Variants in TRIM2 observed in about 807,000 individuals in gnomAD.
TRIM2 encodes the protein tripartite motif-containing protein 2.
In TRIM2, 20 loss-of-function variants were observed where a neutral mutation model predicts 75.2. The observed-to-expected ratio is 0.27, with a 90% confidence interval of 0.19 to 0.39. The LOEUF is 0.39. Ranked by LOEUF, TRIM2 falls within the 10% of genes least tolerant of loss-of-function variation. The pLI, the probability that TRIM2 is intolerant of heterozygous loss-of-function variation, is 1.00. For synonymous variants in TRIM2, 373 were observed against 388.3 expected (o/e 0.96, Z 0.46); for missense variants, 660 against 990.8 (o/e 0.67, Z 4.48).
intron 1 of TRIM2, among the ~76,000 whole-genome samples, chr4:153,177,707 C>CTTCCTTCCTTCCTTCCTTCCT (rs555687002): frequency 9.7e-5 from 13 of 133,884 alleles, no homozygotes; most frequent in African/African-American, 3.7e-4. Flanking sequence ...TGGTGGCTCG[C>CTTCCTTCCTTCCTTCCTTCCT]TCCTTCCTTC....
chr4:153,197,280 A>G (rs1398507157), intron 1 of TRIM2, among the ~76,000 whole-genome samples: 2 of 152,224 alleles, frequency 1.3e-5, no homozygotes, highest in Admixed American at 6.5e-5. Flanking sequence ...TTTTTTATCC[A>G]TAATTTGCAA....
chr4:153,213,371 C>T (rs1038090152), intron 1 of TRIM2, among the ~76,000 whole-genome samples: 8 of 152,094 alleles, frequency 5.3e-5, no homozygotes, highest in African/African-American at 1.9e-4. Context: ...CAATTTTTTT[C>T]TATCACAAAT....
At chr4:153,325,257 C>A (rs1027157570) in intron 10 of TRIM2, among the ~76,000 whole-genome samples, 6 of 152,168 alleles carry the variant, frequency 3.9e-5, no homozygotes, top group Admixed American at 3.3e-4. Flanking sequence ...CAGACAGTAG[C>A]GCACAGTGGG....
intron 1 of TRIM2, among the ~76,000 whole-genome samples, chr4:153,240,958 T>A (rs1746399888): frequency 6.6e-6 from 1 of 152,194 alleles, no homozygotes; most frequent in South Asian, 2.1e-4. Flanking sequence ...ACAGCTGTAA[T>A]CCCAGCTACT....
intron 2 of TRIM2, among the ~76,000 whole-genome samples, chr4:153,271,723 C>T (rs1756712875): frequency 6.6e-6 from 1 of 152,038 alleles, no homozygotes; most frequent in Non-Finnish European, 1.5e-5. Flanking sequence ...TCCTCCATCC[C>T]CTTAATGGGT....
intron 1 of TRIM2, among the ~76,000 whole-genome samples, chr4:153,245,944 G>T (rs1408757648): frequency 1.3e-5 from 2 of 152,204 alleles, no homozygotes; most frequent in African/African-American, 4.8e-5. Flanking sequence ...CTCTGAAAGT[G>T]CTGGGATTAC....
intron 6 of TRIM2, among the ~76,000 whole-genome samples, chr4:153,302,480 A>T (rs1181865339): frequency 2.0e-5 from 3 of 152,220 alleles, no homozygotes; most frequent in African/African-American, 7.2e-5. Flanking sequence ...TAAGCTGTAG[A>T]AATGGGAAGG....
chr4:153,292,485 T>A (rs1762019313), intron 3 of TRIM2, among the ~76,000 whole-genome samples: 1 of 152,166 alleles, frequency 6.6e-6, no homozygotes, highest in South Asian at 2.1e-4. Context: ...AGAGACAGAG[T>A]CTCGCTATGT....
At chr4:153,240,470 C>A (rs910942760) in intron 1 of TRIM2, among the ~76,000 whole-genome samples, 2 of 152,094 alleles carry the variant, frequency 1.3e-5, no homozygotes, top group African/African-American at 4.8e-5. Context: ...AAACAAAAAT[C>A]AAATAATGTT....
chr4:153,296,585 C>T (rs1441140356), intron 6 of TRIM2, among the ~76,000 whole-genome samples: 1 of 152,048 alleles, frequency 6.6e-6, no homozygotes, highest in East Asian at 1.9e-4. Context: ...GAGAGCAGCC[C>T]CAAGGAGAGG....
At chr4:153,221,863 A>G (rs368789340) in intron 1 of TRIM2, among the ~76,000 whole-genome samples, 37 of 59,664 alleles carry the variant, frequency 6.2e-4, no homozygotes, top group South Asian at 3.8e-3. Flanking sequence ...AAGAAGAGAG[A>G]GAGGAAGGAA....
intron 1 of TRIM2, among the ~76,000 whole-genome samples, chr4:153,174,676 G>A (rs1731230756): frequency 6.6e-6 from 1 of 152,034 alleles, no homozygotes; most frequent in African/African-American, 2.4e-5. Flanking sequence ...AAAAAATTAT[G>A]TTTCTCTTTA....
intron 1 of TRIM2, among the ~76,000 whole-genome samples, chr4:153,206,706 G>A (rs1735545902): frequency 6.6e-5 from 10 of 152,142 alleles, no homozygotes; most frequent in Admixed American, 6.5e-4. Flanking sequence ...GTCAGGGGGT[G>A]TGTATGGGTG....
At chr4:153,174,837 T>C (rs951922034) in intron 1 of TRIM2, among the ~76,000 whole-genome samples, 1 of 152,128 alleles carries the variant, frequency 6.6e-6, no homozygotes, top group African/African-American at 2.4e-5. Context: ...GATGAGTAAA[T>C]CACATCTCCT....
intron 1 of TRIM2, among the ~76,000 whole-genome samples, chr4:153,221,784 A>AGG (rs753218769): frequency 0.17 from 20,142 of 115,412 alleles, 1,809 homozygotes; most frequent in African/African-American, 0.2. Context: ...GGAAAGAAGA[A>AGG]AAGGAAGGAA....
intron 1 of TRIM2, among the ~76,000 whole-genome samples, chr4:153,197,267 G>C (rs1733873094): frequency 6.6e-6 from 1 of 152,192 alleles, no homozygotes; most frequent in South Asian, 2.1e-4. Context: ...TAACCTAAGA[G>C]TATTTTTTAT....
At chr4:153,301,168 G>C (rs1361329201) in intron 6 of TRIM2, among the ~76,000 whole-genome samples, 1 of 151,332 alleles carries the variant, frequency 6.6e-6, no homozygotes, top group South Asian at 2.1e-4. Context: ...TCCAGCCTGA[G>C]TGACAGAGCG....
chr4:153,244,188 T>C (rs13107875), intron 1 of TRIM2, among the ~76,000 whole-genome samples: 32 of 140,534 alleles, frequency 2.3e-4, no homozygotes, highest in East Asian at 4.4e-4. Flanking sequence ...TTCTCCTCCT[T>C]CTTCTTCTCC....
intron 1 of TRIM2, among the ~76,000 whole-genome samples, chr4:153,249,576 C>A (rs1750290172): frequency 6.6e-6 from 1 of 152,050 alleles, no homozygotes; most frequent in Admixed American, 6.5e-5. Flanking sequence ...ATTAGCAGCG[C>A]GTCCGCCTCG....
Sources: allele counts gnomAD v4.1 joint callset (sites outside exome capture counted in the v4.1 genomes callset), GRCh38; gene constraint gnomAD v4.1.1; transcripts MANE v1.5; gene names NCBI Gene and HGNC (gene_info 2026-07-23, HGNC 2026-07-21).